SATL1: variants seen among roughly 807,000 people sequenced by gnomAD.
SATL1 encodes the protein spermidine/spermine N1-acetyl transferase like 1.
A neutral mutation model predicts 51.8 loss-of-function variants in SATL1; 47 were observed. That is an observed-to-expected ratio of 0.91 (90% CI 0.72 to 1.16). The LOEUF (loss-of-function observed/expected upper bound fraction) is 1.16, where lower values mean the gene tolerates loss of function less well. Among genes scored for constraint, SATL1 ranks in the 50% most tolerant of loss-of-function variants. The pLI is 0.00. For missense variants in SATL1, 520 were observed against 526.4 expected, an observed-to-expected ratio of 0.99 and a Z score of 0.12; for synonymous variants, 176 against 182.4, an observed-to-expected ratio of 0.97 and a Z score of 0.28.
chrX:85,142,381 G>A (rs1926129846), intron 2 of SATL1, among the ~76,000 whole-genome samples: 1 of 94,361 alleles, frequency 1.1e-5, no homozygotes, highest in Admixed American at 1.2e-4. Context: ...GGGTGACAGA[G>A]CGAGACTCCA....
At chrX:85,103,988 T>G in intron 3 of SATL1, 73 bp from the exon 4 acceptor site, 3 of 795,567 alleles carry the variant, frequency 3.8e-6, no homozygotes. Flanking sequence ...TCATAAAATT[T>G]GTATTAAACA....
At chrX:85,152,410 G>T (rs1272190036) in intron 2 of SATL1, among the ~76,000 whole-genome samples, 3 of 111,655 alleles carry the variant, frequency 2.7e-5, no homozygotes, top group Non-Finnish European at 1.9e-5. Context: ...TCAGTGTGGC[G>T]ATTCCTCAGG....
rs545943079 is a variant in SATL1 at position 85,238,377 on chromosome X, C to T, written c.-435+5211G>A. On this transcript the variant is annotated intron_variant, in intron 1 of 7. Coordinates refer to ENST00000644105, the MANE Select transcript of SATL1 (RefSeq NM_001367857.2). ...ATATACACAATGGAGTACTACTCAG[C>T]CATAGAAAAGAATGGCATCCTGTCA... is the stretch of plus-strand genomic sequence containing the variant. 7.1e-4 allele frequency among the ~76,000 whole-genome samples: 79 copies of T among 111,440 alleles called. No individual in the cohort carries two copies. In the South Asian group the frequency reaches 0.015, roughly 21 times the overall value.
chrX:85,095,178 T>G (rs1331940309), intron 4 of SATL1, among the ~76,000 whole-genome samples, 182 bp from the exon 5 acceptor site: 1 of 112,264 alleles, frequency 8.9e-6, no homozygotes, highest in East Asian at 2.8e-4. Context: ...GGAGACAGCC[T>G]GGCTGGTCAA....
At chrX:85,234,453 A>G (rs1928442203) in intron 1 of SATL1, among the ~76,000 whole-genome samples, 1 of 112,261 alleles carries the variant, frequency 8.9e-6, no homozygotes. Flanking sequence ...CTTAAATAGA[A>G]AGACTAAAAG....
chrX:85,106,200 C>T (rs1388295262), intron 3 of SATL1, among the ~76,000 whole-genome samples: 1 of 111,852 alleles, frequency 8.9e-6, no homozygotes, highest in Non-Finnish European at 1.9e-5. Context: ...GTAATAATCT[C>T]TTGGGCATAG....
intron 2 of SATL1, chrX:85,208,836 A>C (rs1330077212): frequency 9.2e-6 from 1 of 109,113 alleles, no homozygotes; most frequent in Non-Finnish European, 1.9e-5. Flanking sequence ...TTTTTCTCCC[A>C]TTCTGTAGGT....
At chrX:85,232,729 T>C (rs764506463) in intron 1 of SATL1, among the ~76,000 whole-genome samples, 1 of 111,192 alleles carries the variant, frequency 9.0e-6, no homozygotes, top group South Asian at 3.8e-4. Flanking sequence ...AAGGGAAAAG[T>C]GTATATGACT....
At chrX:85,237,687 C>G (rs1928507477) in intron 1 of SATL1, among the ~76,000 whole-genome samples, 2 of 111,323 alleles carry the variant, frequency 1.8e-5, no homozygotes, top group African/African-American at 6.5e-5. Context: ...CCCAGAAGCA[C>G]AGGACCAAAG....
At chrX:85,188,254 T>C (rs910009366) in intron 2 of SATL1, among the ~76,000 whole-genome samples, 20 of 111,402 alleles carry the variant, frequency 1.8e-4, no homozygotes, top group African/African-American at 6.5e-4. Flanking sequence ...ATGAAAATAA[T>C]TAACTGCTAA....
At chrX:85,206,382 A>C (rs968285457) in intron 2 of SATL1, among the ~76,000 whole-genome samples, 22 of 111,683 alleles carry the variant, frequency 2.0e-4, no homozygotes, top group African/African-American at 7.2e-4. Flanking sequence ...GTAAATCAGA[A>C]ATAGCAATAA....
At chrX:85,127,321 A>G (rs1925651874) in intron 2 of SATL1, among the ~76,000 whole-genome samples, 2 of 111,656 alleles carry the variant, frequency 1.8e-5, no homozygotes, top group Admixed American at 1.9e-4. Context: ...AGGATCAAAG[A>G]AGACAATGTT....
chrX:85,230,925 C>T (rs1346504488), intron 1 of SATL1, among the ~76,000 whole-genome samples: 2 of 111,684 alleles, frequency 1.8e-5, no homozygotes, highest in Admixed American at 9.5e-5. Context: ...AAAAACACAA[C>T]AAATGTTGGC....
At chrX:85,130,056 T>C (rs2147706039) in intron 2 of SATL1, among the ~76,000 whole-genome samples, 1 of 112,208 alleles carries the variant, frequency 8.9e-6, no homozygotes, top group African/African-American at 3.2e-5. Flanking sequence ...GCCAGCATTT[T>C]ATTGAGAATT....
chrX:85,136,958 C>T (rs1026659560), intron 2 of SATL1, among the ~76,000 whole-genome samples: 3 of 111,705 alleles, frequency 2.7e-5, no homozygotes, highest in Non-Finnish European at 3.8e-5. Context: ...CTGTCTGTCG[C>T]TCTGTCACTG....
At chrX:85,201,277 A>G (rs751613560) in intron 2 of SATL1, among the ~76,000 whole-genome samples, 9 of 111,198 alleles carry the variant, frequency 8.1e-5, no homozygotes, top group Non-Finnish European at 1.3e-4. Context: ...TTCTGGCAAT[A>G]GAGAATTTAA....
chrX:85,130,423 T>G (rs956591598), intron 2 of SATL1, among the ~76,000 whole-genome samples: 5 of 111,872 alleles, frequency 4.5e-5, no homozygotes, highest in Non-Finnish European at 9.4e-5. Flanking sequence ...GATTTTCGAG[T>G]GTATTTGCAT....
intron 2 of SATL1, among the ~76,000 whole-genome samples, chrX:85,222,544 A>G (rs1821264122): frequency 1.8e-5 from 2 of 111,466 alleles, no homozygotes; most frequent in South Asian, 7.6e-4. Flanking sequence ...AGAAAGAGAG[A>G]GAAAGAATTT....
chrX:85,151,719 G>T (rs1355216818), intron 2 of SATL1, among the ~76,000 whole-genome samples: 3 of 111,572 alleles, frequency 2.7e-5, no homozygotes, highest in African/African-American at 6.5e-5. Flanking sequence ...AATGGGGAAA[G>T]AATTCCCTAT....
Sources: gnomAD v4.1 joint callset for allele counts (sites outside exome capture counted in the v4.1 genomes callset) on GRCh38, gnomAD v4.1.1 for gene constraint, MANE v1.5 for transcripts, NCBI Gene and HGNC (gene_info 2026-07-23, HGNC 2026-07-21) for gene names.